Variants in XRCC1 observed in about 807,000 individuals in gnomAD.
XRCC1 encodes the protein X-ray repair cross complementing 1.
XRCC1 carries 52 observed loss-of-function variants against 83.3 expected under a neutral mutation model. That is an observed-to-expected ratio of 0.62 (90% CI 0.50 to 0.79). XRCC1 has a LOEUF of 0.79. Ranked by LOEUF, XRCC1 falls within the 30% of genes least tolerant of loss-of-function variation. The probability of loss-of-function intolerance (pLI) is 0.00; values close to 1 mark genes in which losing one functional copy is unlikely to be tolerated. For synonymous variants in XRCC1, 281 were observed against 312.6 expected (o/e 0.90, Z 1.07); for missense variants, 793 against 823.5 (o/e 0.96, Z 0.45).
chr19:43,551,062 G>A (rs910081099), intron 10 of XRCC1, among the ~76,000 whole-genome samples: 2 of 152,124 alleles, frequency 1.3e-5, no homozygotes, highest in Non-Finnish European at 2.9e-5. Flanking sequence ...TTGGCTTCCA[G>A]GTTCAAGCGA....
chr19:43,552,103 G>T lies in XRCC1; in HGVS notation c.996C>A (p.Asn332Lys). ...GVVVVLSGFQ[N>K]PFRSELRDKA... ...TATCTCGCAGCTCGGAGCGGAAGGG[G>T]TTCTGGAAGCCACTCAGCACCACTA... Residue 332 changes from asparagine (N) to lysine (K), a missense_variant, in exon 9 of 17, where the codon AAC becomes AAA. Transcript: ENST00000262887. 6.2e-7 allele frequency: 1 copy of T among 1,614,068 alleles called. No homozygotes were observed. Among genetic ancestry groups the T allele is most frequent in the Non-Finnish European group, 8.5e-7 (1 of 1,179,986 alleles).
At chr19:43,550,481 C>T (rs758511264) in intron 10 of XRCC1, among the ~76,000 whole-genome samples, 2 of 152,144 alleles carry the variant, frequency 1.3e-5, no homozygotes, top group African/African-American at 2.4e-5. Context: ...CCTGAGCCCA[C>T]CCACCTCACA....
At chr19:43,563,418 G>A (rs1303670783) in intron 2 of XRCC1, among the ~76,000 whole-genome samples, 8 of 152,274 alleles carry the variant, frequency 5.3e-5, no homozygotes, top group Admixed American at 1.3e-4. Context: ...ACTTGAACCC[G>A]GGAGGCAGAG....
In XRCC1 at chr19:43,575,421, C is replaced by T; in HGVS notation, c.38G>A (p.Ser13Asn). Residue 13 changes from serine (S) to asparagine (N), a missense_variant, in exon 1 of 17, where the codon AGC (serine) becomes AAC (asparagine). Transcript: ENST00000262887. ...EIRLRHVVSC[S>N]SQDSTHCAEN... is the part of the protein sequence containing the mutation. Reference sequence around the variant, plus strand: ...CAGGTCCCTCACCGAGTCCTGGCTGCTGCAGGACACGACATGGCGGAGGCG... The same window carrying T: ...CAGGTCCCTCACCGAGTCCTGGCTGTTGCAGGACACGACATGGCGGAGGCG... 1 of 1,610,846 alleles carries T rather than the reference C, an allele frequency of 6.2e-7. No individual in the cohort carries two copies.
At chr19:43,554,189 T>C (rs1338333853) in intron 4 of XRCC1, among the ~76,000 whole-genome samples, 3 of 152,132 alleles carry the variant, frequency 2.0e-5, no homozygotes, top group African/African-American at 4.8e-5. Flanking sequence ...CATACTCCAG[T>C]CTCACTGTTA....
At chr19:43,568,596 A>C (rs1220667073) in intron 2 of XRCC1, among the ~76,000 whole-genome samples, 2 of 152,200 alleles carry the variant, frequency 1.3e-5, no homozygotes, top group African/African-American at 2.4e-5. Context: ...CTTGAAAAAA[A>C]ACACACAAGG....
intron 2 of XRCC1, among the ~76,000 whole-genome samples, chr19:43,562,325 G>C (rs758563432): frequency 1.3e-5 from 2 of 152,064 alleles, no homozygotes; most frequent in Non-Finnish European, 1.5e-5. Context: ...CTGGACTTGG[G>C]GTGAGGTAGG....
chr19:43,552,329 C>T (rs1972586907), intron 8 of XRCC1, 54 bp from the exon 9 acceptor site: 1 of 1,318,992 alleles, frequency 7.6e-7, no homozygotes, highest in Admixed American at 2.0e-5. Context: ...CAACCCCCAG[C>T]CCCTCCTCCC....
At chr19:43,562,251 GATC>G (rs1972707190) in intron 2 of XRCC1, among the ~76,000 whole-genome samples, 1 of 151,786 alleles carries the variant, frequency 6.6e-6, no homozygotes, top group Non-Finnish European at 1.5e-5. Context: ...CTCCCTGTCA[GATC>G]ATCTAGACAT....
Position 43,543,350 on chromosome 19 carries a change from G to A in XRCC1, c.*42C>T, listed in dbSNP as rs371600613. 9.3e-5 allele frequency: 105 copies of A among 1,132,576 alleles called. No individual in the cohort carries two copies. Among genetic ancestry groups the A allele is most frequent in the Non-Finnish European group, 1.2e-4 (98 of 799,614 alleles). The allele number at this position is 1,132,576 out of a possible 1,614,324, so 70.2% of individuals were successfully genotyped here. ...TCTTTATTAAATGCATCGTGTGTGTGTGTGTGTGTGTGTGTGTGTGTGTGT... is the reference window on the plus strand; with the variant it reads ...TCTTTATTAAATGCATCGTGTGTGTATGTGTGTGTGTGTGTGTGTGTGTGT... On this transcript the variant is annotated 3_prime_UTR_variant, in exon 17 of 17. Coordinates refer to ENST00000262887, the MANE Select transcript of XRCC1 (RefSeq NM_006297.3).
chr19:43,558,778 T>C (rs1028477470), intron 3 of XRCC1, among the ~76,000 whole-genome samples: 1 of 151,668 alleles, frequency 6.6e-6, no homozygotes, highest in African/African-American at 2.4e-5. Flanking sequence ...ATACATATGG[T>C]TAATTAATTC....
rs552668301 is a variant in XRCC1 at position 43,554,560 on chromosome 19, C to T, written c.414+86G>A. The T allele has an allele frequency of 9.5e-5, 140 of 1,479,714 alleles. 1 individual carries two copies. The South Asian group carries it at 1.7e-3, about 18-fold the overall frequency. The allele number at this position is 1,479,714 out of a possible 1,614,324, so 91.7% of individuals were successfully genotyped here. A position where few individuals can be genotyped will look rare whatever the true frequency, so the allele number is the denominator to read the frequency against. On this transcript the variant is annotated intron_variant, in intron 4 of 16. Transcript: ENST00000262887. ...ATGGGACACCAGCTGTCTACTCCTC[C>T]CAGCCCTATGGGACTCAATATTGGC...
At chr19:43,569,442 C>A (rs1372292916) in intron 2 of XRCC1, among the ~76,000 whole-genome samples, 74 of 149,372 alleles carry the variant, frequency 5.0e-4, no homozygotes, top group Non-Finnish European at 1.5e-4. Flanking sequence ...TGCCACTGCA[C>A]TCCAGCCTGG....
intron 2 of XRCC1, among the ~76,000 whole-genome samples, chr19:43,570,003 G>A (rs1972792468): frequency 6.6e-6 from 1 of 152,212 alleles, no homozygotes; most frequent in Admixed American, 6.5e-5. Flanking sequence ...GAACTGCTGG[G>A]GGCTAGGCAT....
chr19:43,572,081 T>G (rs1304654766), intron 2 of XRCC1, among the ~76,000 whole-genome samples: 1 of 152,138 alleles, frequency 6.6e-6, no homozygotes, highest in Non-Finnish European at 1.5e-5. Context: ...AGCTGCTCCC[T>G]CTGGGGTTTA....
At chr19:43,555,069 T>G in intron 3 of XRCC1, 1 of 301,464 alleles carries the variant, frequency 3.3e-6, no homozygotes, top group Non-Finnish European at 6.1e-6. Flanking sequence ...TATCTGGCAA[T>G]ACAGCGGGCT....
chr19:43,567,431 C>T (rs1972764782), intron 2 of XRCC1, among the ~76,000 whole-genome samples: 1 of 152,108 alleles, frequency 6.6e-6, no homozygotes. Context: ...CTTGCCTCAG[C>T]CTCCCGAATA....
intron 2 of XRCC1, among the ~76,000 whole-genome samples, chr19:43,568,650 G>A (rs12611088): frequency 0.3 from 44,899 of 151,232 alleles, 7,018 homozygotes; most frequent in Non-Finnish European, 0.35. Context: ...GGATGGAGGC[G>A]GTAGGTATAT....
At chr19:43,544,110 C>T (rs1972483839) in intron 15 of XRCC1, 34 bp downstream of exon 15, 2 of 1,560,452 alleles carry the variant, frequency 1.3e-6, no homozygotes, top group Non-Finnish European at 8.7e-7. Flanking sequence ...TTGGATCCAT[C>T]ACCCCTTCCC....
Sources: allele counts gnomAD v4.1 joint callset (sites outside exome capture counted in the v4.1 genomes callset), GRCh38; gene constraint gnomAD v4.1.1; transcripts MANE v1.5; gene names NCBI Gene and HGNC (gene_info 2026-07-23, HGNC 2026-07-21).